The following FGF14 variants were observed in gnomAD, a reference collection of about 807,000 sequenced individuals.
FGF14 encodes fibroblast growth factor 14.
FGF14 carries 5 observed loss-of-function variants against 25.5 expected under a neutral mutation model. The observed-to-expected ratio is 0.20, with a 90% CI of 0.10 to 0.41. The LOEUF is 0.41. FGF14 is among the 10% of genes least tolerant of loss of function. The pLI is 1.00. For missense variants in FGF14, 222 were observed against 320.1 expected, an observed-to-expected ratio of 0.69 and a Z score of 2.34; for synonymous variants, 138 against 118.3, an observed-to-expected ratio of 1.17 and a Z score of -1.08.
chr13:101,715,982 C>G lies in FGF14; in HGVS notation c.*6849G>C. On this transcript the variant is annotated 3_prime_UTR_variant, in exon 5 of 5. Transcript: ENST00000376143. ...GTCGGGTAGGAAGGTATGCTGCAGA[C>G]ATTTGGTGGGTAGAGGCCAGGGATG... The G allele has an allele frequency of 3.6e-6, 1 of 280,104 alleles. No individual in the cohort carries two copies. Among genetic ancestry groups the G allele is most frequent in the Non-Finnish European group, 6.9e-6 (1 of 144,268 alleles). The allele number at this position is 280,104 out of a possible 1,614,324, so 17.4% of individuals were successfully genotyped here. A position where few individuals can be genotyped will look rare whatever the true frequency, so the allele number is the denominator to read the frequency against.
intron 1 of FGF14, among the ~76,000 whole-genome samples, chr13:102,041,466 T>G (rs1043171255): frequency 6.6e-6 from 1 of 151,880 alleles, no homozygotes; most frequent in African/African-American, 2.4e-5. Flanking sequence ...GGTGAACTTT[T>G]GGTAAAATTA....
At chr13:102,210,217 T>C (rs1336701) in intron 1 of FGF14, among the ~76,000 whole-genome samples, 83,245 of 151,456 alleles carry the variant, frequency 0.55, 23,059 homozygotes, top group East Asian at 0.68. Context: ...TAAAAGCCTT[T>C]AAAGTATAGA....
chr13:102,111,622 A>C (rs2045229393), intron 1 of FGF14, among the ~76,000 whole-genome samples: 1 of 152,084 alleles, frequency 6.6e-6, no homozygotes, highest in South Asian at 2.1e-4. Flanking sequence ...AGGCTGAGGC[A>C]GGAGGATTGC....
At chr13:101,746,801 A>T (rs2036921319) in intron 3 of FGF14, among the ~76,000 whole-genome samples, 1 of 151,962 alleles carries the variant, frequency 6.6e-6, no homozygotes, top group African/African-American at 2.4e-5. Flanking sequence ...CTATCATGTG[A>T]TATTCACATG....
chr13:101,919,008 CCTCT>C (rs377729614), upstream of FGF14, among the ~76,000 whole-genome samples: 116 of 152,256 alleles, frequency 7.6e-4, 2 homozygotes, highest in East Asian at 7.5e-3. Flanking sequence ...TCTGCCTTTC[CCTCT>C]CTATTTTCAG....
At chr13:101,750,955 C>G (rs543807418) in intron 3 of FGF14, among the ~76,000 whole-genome samples, 6 of 152,110 alleles carry the variant, frequency 3.9e-5, no homozygotes, top group Admixed American at 3.3e-4. Flanking sequence ...CTATACGATT[C>G]CAACTATATA....
At chr13:102,356,796 A>T (rs2057428277) in intron 1 of FGF14, among the ~76,000 whole-genome samples, 1 of 152,048 alleles carries the variant, frequency 6.6e-6, no homozygotes, top group Admixed American at 6.6e-5. Flanking sequence ...TGGAATACCC[A>T]GCAGCTGTTT....
chr13:102,085,564 G>A (rs538585820), intron 1 of FGF14, among the ~76,000 whole-genome samples: 1 of 152,260 alleles, frequency 6.6e-6, no homozygotes, highest in Non-Finnish European at 1.5e-5. Context: ...TTTAACAATG[G>A]AAGACATAGG....
At chr13:102,175,864 G>C (rs1285363242) in intron 1 of FGF14, among the ~76,000 whole-genome samples, 1 of 151,988 alleles carries the variant, frequency 6.6e-6, no homozygotes, top group African/African-American at 2.4e-5. Flanking sequence ...AAACCACAAT[G>C]AGATACCACC....
chr13:102,230,034 C>G (rs1228921159), intron 1 of FGF14, among the ~76,000 whole-genome samples: 1 of 152,130 alleles, frequency 6.6e-6, no homozygotes, highest in Non-Finnish European at 1.5e-5. Context: ...ATCCTCACCC[C>G]CAAGGTGATG....
chr13:102,379,345 C>A (rs1307420972), intron 1 of FGF14, among the ~76,000 whole-genome samples: 4 of 151,716 alleles, frequency 2.6e-5, no homozygotes, highest in African/African-American at 9.7e-5. Context: ...AAAGAAACAG[C>A]AAAGGTACAT....
chr13:101,774,987 AG>A (rs2039009745), intron 3 of FGF14, among the ~76,000 whole-genome samples: 1 of 151,392 alleles, frequency 6.6e-6, no homozygotes, highest in African/African-American at 2.4e-5. Context: ...AAAAAAAAAA[AG>A]GATTGGAAAG....
rs541223293 is a variant in FGF14, at chr13:101,790,991, A to G, written c.409-64181T>C. Among the ~76,000 whole-genome samples, 20 of 152,312 alleles carry G rather than the reference A, an allele frequency of 1.3e-4. No homozygotes were observed. In the South Asian group the frequency reaches 3.3e-3, roughly 25 times the overall value. On this transcript the variant is annotated intron_variant, in intron 3 of 4. Coordinates refer to ENST00000376143, the MANE Select transcript of FGF14 (RefSeq NM_004115.4). ...TGCTGTGTTTTCTTTTGTTCTATCA[A>G]TAAGTCAGATGAAGTAAAGAATTTG...
chr13:102,118,237 C>T (rs1408153337), intron 1 of FGF14, among the ~76,000 whole-genome samples: 8 of 151,726 alleles, frequency 5.3e-5, no homozygotes, highest in Admixed American at 5.3e-4. Flanking sequence ...ATAATTTTGA[C>T]ATCATTGTAG....
At chr13:102,391,006 G>C (rs547896498) in intron 1 of FGF14, among the ~76,000 whole-genome samples, 1 of 152,118 alleles carries the variant, frequency 6.6e-6, no homozygotes, top group Non-Finnish European at 1.5e-5. Context: ...AATGTTTCAA[G>C]TTCAGACAGA....
intron 1 of FGF14, among the ~76,000 whole-genome samples, chr13:101,965,265 C>T (rs2037120391): frequency 1.3e-5 from 2 of 151,526 alleles, no homozygotes; most frequent in South Asian, 2.1e-4. Context: ...AAAAAAACCT[C>T]CTCTTGTGGT....
At chr13:101,873,686 G>C (rs1329560771) in intron 2 of FGF14, among the ~76,000 whole-genome samples, 2 of 152,092 alleles carry the variant, frequency 1.3e-5, no homozygotes, top group African/African-American at 2.4e-5. Flanking sequence ...ACATGTATTA[G>C]CCTGAACCAT....
intron 1 of FGF14, among the ~76,000 whole-genome samples, chr13:102,329,341 C>A (rs2056563754): frequency 6.6e-6 from 1 of 152,134 alleles, no homozygotes; most frequent in African/African-American, 2.4e-5. Flanking sequence ...CACATGACCC[C>A]AACAGTAGTG....
At chr13:102,333,422 T>C (rs974813677) in intron 1 of FGF14, among the ~76,000 whole-genome samples, 14 of 152,172 alleles carry the variant, frequency 9.2e-5, no homozygotes, top group East Asian at 1.9e-4. Flanking sequence ...AACTTGTTAT[T>C]TGAAGATCAA....
Sources: allele counts gnomAD v4.1 joint callset (sites outside exome capture counted in the v4.1 genomes callset), GRCh38; gene constraint gnomAD v4.1.1; transcripts MANE v1.5; gene names NCBI Gene and HGNC (gene_info 2026-07-23, HGNC 2026-07-21).